The following ACAD11 variants were observed in gnomAD, a reference collection of about 807,000 sequenced individuals.
ACAD11 encodes acyl-CoA dehydrogenase family member 11.
A neutral mutation model predicts 102.2 loss-of-function variants in ACAD11; 83 were observed. That is an observed-to-expected ratio of 0.81 (90% CI 0.68 to 0.97). ACAD11 has a LOEUF of 0.97. ACAD11 is among the 50% of genes least tolerant of loss of function. ACAD11 has a pLI of 0.00. For synonymous variants in ACAD11, 324 were observed against 319.8 expected, an observed-to-expected ratio of 1.01 and a Z score of -0.14; for missense variants, 901 against 951.7, an observed-to-expected ratio of 0.95 and a Z score of 0.70.
intron 1 of ACAD11, among the ~76,000 whole-genome samples, chr3:132,657,871 T>A (rs1014283897): frequency 1.5e-5 from 2 of 137,862 alleles, no homozygotes; most frequent in African/African-American, 6.6e-5. Context: ...TATTCCTTTT[T>A]TTTTTTTTTT....
rs200765869 is a variant in ACAD11 at position 132,600,496 on chromosome 3, A to G, written c.1621+2733T>C. ...GTCAATATGAACTGATCTGTATCAA[A>G]GAAGATGTCAGAGAATTTGCAAAAG... On this transcript the variant is annotated intron_variant, in intron 13 of 19. Transcript: ENST00000264990. 232 of 1,613,910 alleles carry G rather than the reference A, an allele frequency of 1.4e-4. No homozygotes were observed. The Admixed American group carries it at 3.8e-3, about 26-fold the overall frequency.
In ACAD11 at chr3:132,619,528, A is replaced by G; in HGVS notation, c.1215T>C (p.Tyr405=). The change falls in exon 10 of 20, where the codon TAT becomes TAC. Residue 405 remains tyrosine (Y), a synonymous_variant. Coordinates refer to ENST00000264990, the MANE Select transcript of ACAD11 (RefSeq NM_032169.5). ...LPAEKEVTEF[Y]VQNENSVDKW... is the part of the protein sequence containing the mutation. ...TGTCCACTGAATTTTCATTTTGAACATAGAACTCAGTTACCTCCTTAAAGT... is the reference window on the plus strand; with the variant it reads ...TGTCCACTGAATTTTCATTTTGAACGTAGAACTCAGTTACCTCCTTAAAGT... The G allele has an allele frequency of 6.3e-7, 1 of 1,590,494 alleles. No homozygotes were observed. Among genetic ancestry groups the G allele is most frequent in the Non-Finnish European group, 8.5e-7 (1 of 1,170,010 alleles).
intron 13 of ACAD11, among the ~76,000 whole-genome samples, chr3:132,590,156 A>C (rs111264987): frequency 6.6e-6 from 1 of 152,352 alleles, no homozygotes; most frequent in African/African-American, 2.4e-5. Flanking sequence ...TGCAATGAAC[A>C]TTCACATGCA....
intron 15 of ACAD11, among the ~76,000 whole-genome samples, 199 bp from the exon 16 acceptor site, chr3:132,577,214 A>C (rs1388665860): frequency 6.8e-6 from 1 of 147,676 alleles, no homozygotes; most frequent in African/African-American, 2.7e-5. Context: ...CAAGAAGAGA[A>C]ACCCTTTGAT....
chr3:132,626,819 TTTGCC>T lies in ACAD11; in HGVS notation c.1071-7_1071-3del. 6.2e-7 allele frequency: 1 copy of T among 1,600,398 alleles called. No individual in the cohort carries two copies. Among genetic ancestry groups the T allele is most frequent in the Admixed American group, 1.8e-5 (1 of 56,330 alleles). ...TGTGGTAGTACAGTACTGAAAGTTC[TTTGCC>T]AAAAGAAAAAAGGAAAAAAAGGTTA... On this transcript the variant is annotated splice_polypyrimidine_tract_variant and splice_region_variant and intron_variant, in intron 8 of 19. Transcript: ENST00000264990.
At chr3:132,593,591 C>T (rs1938173099) in intron 13 of ACAD11, among the ~76,000 whole-genome samples, 1 of 152,120 alleles carries the variant, frequency 6.6e-6, no homozygotes, top group Non-Finnish European at 1.5e-5. Context: ...TGGTAGAGAA[C>T]AAAGTAATAC....
At chr3:132,635,345 C>G (rs1054096286) in intron 5 of ACAD11, among the ~76,000 whole-genome samples, 2 of 152,080 alleles carry the variant, frequency 1.3e-5, no homozygotes, top group African/African-American at 4.8e-5. Flanking sequence ...CAGCAATACT[C>G]TAGGCAAGTT....
intron 13 of ACAD11, chr3:132,600,662 C>T: frequency 6.2e-7 from 1 of 1,613,784 alleles, no homozygotes; most frequent in South Asian, 1.1e-5. Context: ...AGCAGATTTA[C>T]TCCTTCTATT....
chr3:132,619,531 G>A lies in ACAD11; in HGVS notation c.1212C>T (p.Phe404=). Residue 404 remains phenylalanine (F), a synonymous_variant, in exon 10 of 20, where the codon TTC becomes TTT. Coordinates refer to ENST00000264990, the MANE Select transcript of ACAD11 (RefSeq NM_032169.5). ...CCACTGAATTTTCATTTTGAACATA[G>A]AACTCAGTTACCTCCTTAAAGTAAT... ...ILPAEKEVTE[F]YVQNENSVDK... is the part of the protein sequence containing the mutation. 6.3e-7 allele frequency: 1 copy of A among 1,586,470 alleles called. No individual in the cohort carries two copies. The highest frequency in any genetic ancestry group is 8.6e-7 in the Non-Finnish European group (1 of 1,167,814).
At chr3:132,568,801 C>CAAAAAAAAAAAAAAAAAAAAAAAAAA (rs755568917) in intron 17 of ACAD11, among the ~76,000 whole-genome samples, 1 of 68,674 alleles carries the variant, frequency 1.5e-5, no homozygotes, top group Non-Finnish European at 3.2e-5. Context: ...CATCCACAGG[C>CAAAAAAAAAAAAAAAAAAAAAAAAAA]AAAAAAAAAA....
In ACAD11 at chr3:132,571,101, G is replaced by A. The variant is rs148401921; in HGVS notation, c.2001+4671C>T. ...GAATCCTCACACTGTTTTCCACAAT[G>A]GCTGAACTCCCACCAACAGTGTATA... On this transcript the variant is annotated intron_variant, in intron 17 of 19. Transcript: ENST00000264990. 2.6e-5 allele frequency among the ~76,000 whole-genome samples: 4 copies of A among 152,212 alleles called. No individual in the cohort carries two copies. The East Asian group carries it at 7.7e-4, about 29-fold the overall frequency.
intron 1 of ACAD11, among the ~76,000 whole-genome samples, chr3:132,657,637 C>A (rs932383406): frequency 2.0e-5 from 3 of 152,124 alleles, no homozygotes; most frequent in East Asian, 1.9e-4. Context: ...TATTGCACAT[C>A]TTTTACTTAG....
chr3:132,628,350 G>A lies in ACAD11; in HGVS notation c.1060C>T (p.Leu354Phe). 6.2e-7 allele frequency: 1 copy of A among 1,611,894 alleles called. No homozygotes were observed. The highest frequency in any genetic ancestry group is 8.5e-7 in the Non-Finnish European group (1 of 1,178,872). The change falls in exon 8 of 20, where the codon CTC becomes TTC. Residue 354 changes from leucine to phenylalanine, a missense_variant. Physicochemically the swap from Leu to Phe is conservative, Grantham distance 22. Coordinates refer to ENST00000264990, the MANE Select transcript of ACAD11 (RefSeq NM_032169.5). Reference sequence around the variant, plus strand: ...ATCTGTTTTCCTTACCGTTTGGAGAGTTGTAGTCCAGTTTCTGCCAGAGGT... The same window carrying A: ...ATCTGTTTTCCTTACCGTTTGGAGAATTGTAGTCCAGTTTCTGCCAGAGGT... ...VQPLAETGLQ[L>F]SKRTFSTVLP...
intron 11 of ACAD11, among the ~76,000 whole-genome samples, chr3:132,610,145 T>A (rs1939063015): frequency 6.6e-6 from 1 of 152,078 alleles, no homozygotes; most frequent in Admixed American, 6.6e-5. Context: ...AAGAGCTATT[T>A]ATGACAAACC....
chr3:132,575,826 G>A lies in ACAD11; in HGVS notation c.1947C>T (p.Ile649=), dbSNP rs113737160. The change falls in exon 17 of 20, where the codon ATC becomes ATT. Residue 649 remains isoleucine (I), a synonymous_variant. Coordinates refer to ENST00000264990, the MANE Select transcript of ACAD11 (RefSeq NM_032169.5). ...TVGLAERALQ[I]MCERATQRIA... is the part of the protein sequence containing the mutation. ...TCCTTTGTGTTGCCCGCTCACACAT[G>A]ATCTGCAAAGCGCGTTCCGCCAAAC... The A allele has an allele frequency of 4.5e-5, 72 of 1,614,042 alleles. No homozygotes were observed. The African/African-American group carries it at 6.9e-4, about 16-fold the overall frequency.
intron 9 of ACAD11, among the ~76,000 whole-genome samples, chr3:132,623,311 G>A (rs1369378206): frequency 6.6e-6 from 1 of 152,038 alleles, no homozygotes; most frequent in East Asian, 1.9e-4. Flanking sequence ...AGAAATGACT[G>A]TTTTGGTTTT....
chr3:132,577,794 T>G (rs1399016298), intron 15 of ACAD11, among the ~76,000 whole-genome samples: 2 of 152,198 alleles, frequency 1.3e-5, no homozygotes, highest in Non-Finnish European at 2.9e-5. Context: ...GTTTTCATAC[T>G]GAATAATCAA....
chr3:132,609,467 A>C (rs961608585), intron 11 of ACAD11, among the ~76,000 whole-genome samples: 1 of 152,250 alleles, frequency 6.6e-6, no homozygotes, highest in Admixed American at 6.5e-5. Flanking sequence ...CTGATCCCAC[A>C]GAAATACAAA....
chr3:132,580,943 G>C (rs1204913029), intron 13 of ACAD11, among the ~76,000 whole-genome samples: 1 of 151,904 alleles, frequency 6.6e-6, no homozygotes, highest in Non-Finnish European at 1.5e-5. Flanking sequence ...AGAGTAAAAG[G>C]AGTCAAATAA....
Sources: gnomAD v4.1 joint callset for allele counts (sites outside exome capture counted in the v4.1 genomes callset) on GRCh38, gnomAD v4.1.1 for gene constraint, MANE v1.5 for transcripts, NCBI Gene and HGNC (gene_info 2026-07-23, HGNC 2026-07-21) for gene names.